TAF3: variants seen among roughly 807,000 people sequenced by gnomAD.
TAF3 encodes transcription initiation factor TFIID subunit 3.
Under a neutral mutation model 80.6 loss-of-function variants are expected in TAF3, and 7 were observed. The ratio of observed to expected loss-of-function variants is 0.09; its 90% confidence interval spans 0.05 to 0.16. The LOEUF is 0.16. Ranked by LOEUF, TAF3 falls within the 10% of genes least tolerant of loss-of-function variation. TAF3 has a pLI of 1.00. For missense variants in TAF3, 921 were observed against 1,140.2 expected (o/e 0.81, Z 2.77); for synonymous variants, 444 against 446.1 (o/e 1.00, Z 0.06).
chr10:8,002,895 AG>A (rs1366963671), intron 4 of TAF3, among the ~76,000 whole-genome samples: 1 of 152,228 alleles, frequency 6.6e-6, no homozygotes, highest in African/African-American at 2.4e-5. Context: ...AAACTGTTAT[AG>A]CTTCCTGGCA....
chr10:7,986,742 A>G (rs1325764640), intron 4 of TAF3, among the ~76,000 whole-genome samples: 1 of 152,178 alleles, frequency 6.6e-6, no homozygotes, highest in Non-Finnish European at 1.5e-5. Flanking sequence ...AGAAGTCCAT[A>G]TCCTTATTCA....
chr10:7,973,329 G>A (rs1011112883), intron 3 of TAF3, among the ~76,000 whole-genome samples: 2 of 152,170 alleles, frequency 1.3e-5, no homozygotes, highest in African/African-American at 4.8e-5. Context: ...TTAAGAAAAG[G>A]TTATTGGAAT....
At chr10:7,977,398 A>C in intron 4 of TAF3, 75 bp downstream of exon 4, 1 of 1,416,184 alleles carries the variant, frequency 7.1e-7, no homozygotes, top group East Asian at 2.3e-5. Flanking sequence ...AGGGACTTAG[A>C]ATTCCACAAG....
intron 2 of TAF3, among the ~76,000 whole-genome samples, chr10:7,913,670 G>A (rs1837678628): frequency 6.6e-6 from 1 of 152,098 alleles, no homozygotes; most frequent in Non-Finnish European, 1.5e-5. Context: ...CTGTGCCAGG[G>A]ACACTCTTCT....
chr10:7,855,927 GA>G (rs372196675), intron 2 of TAF3, among the ~76,000 whole-genome samples: 326 of 128,010 alleles, frequency 2.5e-3, no homozygotes, highest in African/African-American at 6.5e-3. Flanking sequence ...CCACAAAAAG[GA>G]AAAAAAAAAA....
Position 7,938,437 on chromosome 10 carries a change from A to G in TAF3, c.410-25483A>G, listed in dbSNP as rs965113167. ...GAATAATAAAGAAAATGGTGATTAC[A>G]GGAGATTTTTTGAAGGGAAATGAAT... On this transcript the variant is annotated intron_variant, in intron 2 of 6. Transcript: ENST00000344293. Among the ~76,000 whole-genome samples, 5 of 152,330 alleles carry G rather than the reference A, an allele frequency of 3.3e-5. No individual in the cohort carries two copies. The East Asian group carries it at 9.6e-4, about 29-fold the overall frequency.
intron 2 of TAF3, among the ~76,000 whole-genome samples, chr10:7,952,208 T>C (rs1838088946): frequency 6.6e-6 from 1 of 152,202 alleles, no homozygotes; most frequent in South Asian, 2.1e-4. Flanking sequence ...AGGAAGATGA[T>C]TAAAATATTA....
In TAF3 at chr10:7,827,394, G is replaced by A. The variant is rs555043383; in HGVS notation, c.409+2834G>A. Among the ~76,000 whole-genome samples the A allele has an allele frequency of 2.6e-5, 4 of 152,290 alleles. No homozygotes were observed. In the East Asian group the frequency reaches 7.7e-4, roughly 29 times the overall value. ...ATATAAAATACATAACAGTGGGCCAGGTGTGATGGCTTATGCACTTTGGGA... is the reference window on the plus strand; with the variant it reads ...ATATAAAATACATAACAGTGGGCCAAGTGTGATGGCTTATGCACTTTGGGA... On this transcript the variant is annotated intron_variant, in intron 2 of 6. Coordinates refer to ENST00000344293, the MANE Select transcript of TAF3 (RefSeq NM_031923.4).
At chr10:7,982,843 G>A (rs369071461) in intron 4 of TAF3, among the ~76,000 whole-genome samples, 1 of 152,140 alleles carries the variant, frequency 6.6e-6, no homozygotes, top group East Asian at 1.9e-4. Flanking sequence ...TGACCCAAAG[G>A]CATTTTTTGT....
intron 2 of TAF3, among the ~76,000 whole-genome samples, chr10:7,879,966 C>A (rs1223136471): frequency 6.6e-6 from 1 of 152,166 alleles, no homozygotes; most frequent in Admixed American, 6.5e-5. Flanking sequence ...CCTGGCAACT[C>A]TGGGAGTCTG....
intron 2 of TAF3, among the ~76,000 whole-genome samples, chr10:7,894,231 A>T (rs1334296081): frequency 6.6e-6 from 1 of 152,178 alleles, no homozygotes; most frequent in Non-Finnish European, 1.5e-5. Context: ...TCCTACCCCT[A>T]AGCAATACAA....
chr10:7,835,403 C>T (rs1010476608), intron 2 of TAF3, among the ~76,000 whole-genome samples: 5 of 152,274 alleles, frequency 3.3e-5, no homozygotes, highest in East Asian at 1.9e-4. Flanking sequence ...ATCGTTTTTG[C>T]GGAATGTTCC....
At chr10:7,820,005 C>T (rs1478047028) in intron 1 of TAF3, among the ~76,000 whole-genome samples, 1 of 152,214 alleles carries the variant, frequency 6.6e-6, no homozygotes, top group Non-Finnish European at 1.5e-5. Flanking sequence ...TAGCAGTACA[C>T]AGTTCCCTTT....
At chr10:7,902,037 C>T (rs1837563056) in intron 2 of TAF3, among the ~76,000 whole-genome samples, 1 of 152,140 alleles carries the variant, frequency 6.6e-6, no homozygotes, top group South Asian at 2.1e-4. Flanking sequence ...ACTAACTCCG[C>T]ACCCCACGTT....
intron 2 of TAF3, among the ~76,000 whole-genome samples, chr10:7,919,723 C>T (rs1000452678): frequency 6.6e-6 from 1 of 152,082 alleles, no homozygotes; most frequent in Admixed American, 6.5e-5. Context: ...AGTATAAATG[C>T]TGTAGTCTTT....
rs1349087300 is a variant in TAF3, at chr10:8,016,172, T to A, written c.*1421T>A. The stretch of plus-strand genomic sequence containing the variant: ...GGGATAAATACGGACTTTTACTTGA[T>A]TTTGAAATAATCCCAGTGTAGGCCC... On this transcript the variant is annotated 3_prime_UTR_variant, in exon 7 of 7. Transcript: ENST00000344293. The A allele has an allele frequency of 6.6e-6, 1 of 152,220 alleles. No homozygotes were observed. The highest frequency in any genetic ancestry group is 1.5e-5 in the Non-Finnish European group (1 of 68,046). The allele number at this position is 152,220 out of a possible 1,614,324, so 9.4% of individuals were successfully genotyped here.
chr10:8,004,311 G>A lies in TAF3; in HGVS notation c.2316-4767G>A, dbSNP rs187897430. On this transcript the variant is annotated intron_variant, in intron 4 of 6. Coordinates refer to ENST00000344293, the MANE Select transcript of TAF3 (RefSeq NM_031923.4). ...GATCCACCCACCTCGGCCTCCCAAA[G>A]TGCTGGGATTACGGGCATGAGCCAA... 2.8e-4 allele frequency among the ~76,000 whole-genome samples: 43 copies of A among 152,264 alleles called. 1 individual carries two copies. Among genetic ancestry groups the A allele is most frequent in the African/African-American group, 1.0e-3 (42 of 41,540 alleles).
At chr10:7,873,336 T>C (rs1837284140) in intron 2 of TAF3, among the ~76,000 whole-genome samples, 1 of 152,212 alleles carries the variant, frequency 6.6e-6, no homozygotes, top group African/African-American at 2.4e-5. Flanking sequence ...ACGGCTTTCA[T>C]TGACTTACTT....
intron 2 of TAF3, among the ~76,000 whole-genome samples, chr10:7,878,982 C>T (rs1001869997): frequency 6.6e-6 from 1 of 152,162 alleles, no homozygotes; most frequent in Non-Finnish European, 1.5e-5. Context: ...CTCACCTCAG[C>T]TTCCCAAAAT....
Sources: allele counts gnomAD v4.1 joint callset (sites outside exome capture counted in the v4.1 genomes callset), GRCh38; gene constraint gnomAD v4.1.1; transcripts MANE v1.5; gene names NCBI Gene and HGNC (gene_info 2026-07-23, HGNC 2026-07-21).